Variants in PRKCA observed in about 807,000 individuals in gnomAD.
PRKCA encodes protein kinase C alpha type.
Under a neutral mutation model 87.0 loss-of-function variants are expected in PRKCA, and 27 were observed. That is an observed-to-expected ratio of 0.31 (90% CI 0.23 to 0.43). The LOEUF (loss-of-function observed/expected upper bound fraction) is 0.43. Ranked by LOEUF, PRKCA falls within the 20% of genes least tolerant of loss-of-function variation. The probability of loss-of-function intolerance (pLI) is 1.00; values close to 1 mark genes in which losing one functional copy is unlikely to be tolerated. For missense variants in PRKCA, 518 were observed against 852.3 expected, an observed-to-expected ratio of 0.61 and a Z score of 4.88; for synonymous variants, 329 against 311.1, an observed-to-expected ratio of 1.06 and a Z score of -0.61.
rs1032908933 is a variant in PRKCA, at chr17:66,475,850, G to A, written c.206-20351G>A. On this transcript the variant is annotated intron_variant, in intron 2 of 16. Coordinates refer to ENST00000413366, the MANE Select transcript of PRKCA (RefSeq NM_002737.3). Reference sequence around the variant, plus strand: ...TCAATGAAGATTTTCCTCCCTAATTGTGAGGGGTCCTTTTTAAATACTATT... The same window carrying A: ...TCAATGAAGATTTTCCTCCCTAATTATGAGGGGTCCTTTTTAAATACTATT... Among the ~76,000 whole-genome samples, 187 of 152,088 alleles carry A rather than the reference G, an allele frequency of 1.2e-3. 3 individuals carry two copies. Among genetic ancestry groups the A allele is most frequent in the Non-Finnish European group, 4.0e-4 (27 of 68,016 alleles).
chr17:66,548,444 A>C (rs1161077309), intron 3 of PRKCA, among the ~76,000 whole-genome samples: 2 of 152,206 alleles, frequency 1.3e-5, no homozygotes, highest in Admixed American at 1.3e-4. Flanking sequence ...CCTAAAGGAC[A>C]CGTCCTCTAA....
At chr17:66,432,399 C>G (rs1298535492) in intron 2 of PRKCA, among the ~76,000 whole-genome samples, 1 of 152,134 alleles carries the variant, frequency 6.6e-6, no homozygotes, top group African/African-American at 2.4e-5. Flanking sequence ...TTACTTCCCC[C>G]AAGCACACTC....
chr17:66,648,948 G>C (rs1971519177), intron 5 of PRKCA, among the ~76,000 whole-genome samples: 1 of 151,928 alleles, frequency 6.6e-6, no homozygotes, highest in African/African-American at 2.4e-5. Flanking sequence ...CAAAAAATTA[G>C]CCAAGTATGG....
At chr17:66,512,854 G>A (rs1273459152) in intron 3 of PRKCA, among the ~76,000 whole-genome samples, 2 of 151,980 alleles carry the variant, frequency 1.3e-5, no homozygotes, top group African/African-American at 4.8e-5. Context: ...CACCATGCCC[G>A]GCTAATTTTT....
intron 5 of PRKCA, among the ~76,000 whole-genome samples, chr17:66,667,622 G>A (rs1001301995): frequency 6.6e-6 from 1 of 152,156 alleles, no homozygotes; most frequent in African/African-American, 2.4e-5. Context: ...AGATTTGGGT[G>A]CAGACACAGG....
At chr17:66,421,620 T>C (rs1293182988) in intron 2 of PRKCA, among the ~76,000 whole-genome samples, 2 of 151,634 alleles carry the variant, frequency 1.3e-5, no homozygotes, top group Non-Finnish European at 2.9e-5. Flanking sequence ...GCAGCCTCCA[T>C]CTCCCAGGTT....
chr17:66,460,453 C>T (rs531552524), intron 2 of PRKCA, among the ~76,000 whole-genome samples: 1 of 152,258 alleles, frequency 6.6e-6, no homozygotes, highest in African/African-American at 2.4e-5. Context: ...CCTGTAAGTC[C>T]ACCCCTTTCA....
chr17:66,382,102 A>C (rs1909803115), intron 2 of PRKCA, among the ~76,000 whole-genome samples: 1 of 152,104 alleles, frequency 6.6e-6, no homozygotes, highest in South Asian at 2.1e-4. Context: ...AAGGCAAGGA[A>C]GGTTATCCTG....
At chr17:66,564,320 C>G (rs1968821618) in intron 3 of PRKCA, among the ~76,000 whole-genome samples, 1 of 152,166 alleles carries the variant, frequency 6.6e-6, no homozygotes, top group Non-Finnish European at 1.5e-5. Context: ...CTCAGGTGAT[C>G]CACCTGCCTC....
At chr17:66,335,956 C>T (rs1906637957) in intron 2 of PRKCA, among the ~76,000 whole-genome samples, 1 of 152,326 alleles carries the variant, frequency 6.6e-6, no homozygotes, top group Non-Finnish European at 1.5e-5. Flanking sequence ...CAGCCAAGCA[C>T]ACTTCCACCA....
chr17:66,414,830 G>C (rs1912041696), intron 2 of PRKCA: 1 of 152,150 alleles, frequency 6.6e-6, no homozygotes, highest in Non-Finnish European at 1.5e-5. Context: ...TATATGCCAG[G>C]AGACTTACTT....
chr17:66,528,804 G>C (rs1054846672), intron 3 of PRKCA, among the ~76,000 whole-genome samples: 1 of 152,238 alleles, frequency 6.6e-6, no homozygotes, highest in Non-Finnish European at 1.5e-5. Context: ...ATGATAGTTG[G>C]AAGTACAGTG....
intron 2 of PRKCA, among the ~76,000 whole-genome samples, chr17:66,480,150 TG>T (rs1276904816): frequency 1.3e-5 from 2 of 152,202 alleles, no homozygotes; most frequent in Admixed American, 1.3e-4. Context: ...TTAAAATTTG[TG>T]GGTGCTTCTA....
chr17:66,471,645 ATTTTTTT>A (rs554913573), intron 2 of PRKCA, among the ~76,000 whole-genome samples: 9 of 137,912 alleles, frequency 6.5e-5, no homozygotes, highest in South Asian at 2.3e-4. Context: ...CTGTTTTCTA[ATTTTTTT>A]TTTTTTTTTT....
chr17:66,711,343 A>G (rs16960091), intron 8 of PRKCA, among the ~76,000 whole-genome samples: 21,023 of 152,216 alleles, frequency 0.14, 1,737 homozygotes, highest in East Asian at 0.27. Flanking sequence ...AATATATCAT[A>G]GGCTGAAATC....
chr17:66,645,735 A>G (rs897873187), intron 5 of PRKCA, among the ~76,000 whole-genome samples: 1 of 152,192 alleles, frequency 6.6e-6, no homozygotes, highest in African/African-American at 2.4e-5. Context: ...CAAATACTCA[A>G]TGTCACACAA....
chr17:66,529,364 G>A (rs528177516), intron 3 of PRKCA, among the ~76,000 whole-genome samples: 7 of 152,240 alleles, frequency 4.6e-5, no homozygotes, highest in Admixed American at 3.9e-4. Context: ...AGTTCAAAGA[G>A]TCATTTCTTC....
intron 3 of PRKCA, among the ~76,000 whole-genome samples, chr17:66,590,448 C>T (rs981095257): frequency 1.3e-5 from 2 of 152,174 alleles, no homozygotes; most frequent in African/African-American, 4.8e-5. Context: ...GAAGAGTGCT[C>T]GGCCACTGTG....
intron 3 of PRKCA, among the ~76,000 whole-genome samples, chr17:66,580,446 C>A (rs1299095081): frequency 2.0e-5 from 3 of 152,164 alleles, no homozygotes; most frequent in African/African-American, 7.2e-5. Flanking sequence ...AACAGGCTGC[C>A]CCTCTTGGCT....
Sources: gnomAD v4.1 joint callset for allele counts (sites outside exome capture counted in the v4.1 genomes callset) on GRCh38, gnomAD v4.1.1 for gene constraint, MANE v1.5 for transcripts, NCBI Gene and HGNC (gene_info 2026-07-23, HGNC 2026-07-21) for gene names.